Variants in SIN3A observed in about 807,000 individuals in gnomAD.
The protein encoded by SIN3A is paired amphipathic helix protein Sin3a.
Under a neutral mutation model 146.1 loss-of-function variants are expected in SIN3A, and 14 were observed. The observed-to-expected ratio is 0.10, with a 90% CI of 0.06 to 0.15. SIN3A has a LOEUF of 0.15. Ranked by LOEUF, SIN3A falls within the 10% of genes least tolerant of loss-of-function variation. SIN3A has a pLI of 1.00. For synonymous variants in SIN3A, 572 were observed against 572.0 expected (o/e 1.00, Z 0.00); for missense variants, 1,028 against 1,576.0 (o/e 0.65, Z 5.89).
chr15:75,441,022 G>C (rs2074200335), intron 1 of SIN3A, among the ~76,000 whole-genome samples: 1 of 150,932 alleles, frequency 6.6e-6, no homozygotes, highest in South Asian at 2.1e-4. Context: ...AAAGAAACAG[G>C]GTTGGCCAGG....
intron 1 of SIN3A, among the ~76,000 whole-genome samples, chr15:75,441,266 T>C (rs979566092): frequency 3.3e-5 from 5 of 151,884 alleles, no homozygotes; most frequent in Middle Eastern, 3.2e-3. Context: ...ATCTCGCCAC[T>C]ACACTCCAGC....
chr15:75,420,681 C>T (rs1196219719), intron 3 of SIN3A: 1 of 152,134 alleles, frequency 6.6e-6, no homozygotes, highest in African/African-American at 2.4e-5. Flanking sequence ...GCCACCATGC[C>T]CGGCCTACAT....
At chr15:75,427,997 A>AATG (rs1567397950) in intron 2 of SIN3A, among the ~76,000 whole-genome samples, 3 of 151,606 alleles carry the variant, frequency 2.0e-5, no homozygotes, top group African/African-American at 4.8e-5. Flanking sequence ...ATAAATAAAT[A>AATG]AATGAATAAA....
intron 1 of SIN3A, among the ~76,000 whole-genome samples, chr15:75,435,558 C>T (rs551529588): frequency 2.0e-5 from 3 of 151,974 alleles, no homozygotes; most frequent in Non-Finnish European, 4.4e-5. Flanking sequence ...ATTAGCTGGG[C>T]GTGGTGGCGC....
In SIN3A at chr15:75,400,233, C is replaced by A; in HGVS notation, c.1738-77G>T. 2.5e-6 allele frequency: 2 copies of A among 787,290 alleles called. No individual in the cohort carries two copies. The highest frequency in any genetic ancestry group is 1.6e-5 in the South Asian group (1 of 62,458). The allele number at this position is 787,290 out of a possible 1,614,324, so 48.8% of individuals were successfully genotyped here. On this transcript the variant is annotated intron_variant, in intron 11 of 20. Transcript: ENST00000394947. ...TGATTAAGCATTCTGAATGAAAAGA[C>A]AAAACTCTAGCAGAGAAATAGGCAA...
In SIN3A at chr15:75,443,336, T is replaced by C. The variant is rs76897765; in HGVS notation, c.-34+8087A>G. The stretch of plus-strand genomic sequence containing the variant: ...TTGAAAAATAGTATAAAAATTACCA[T>C]GTACTCCTTCACCTAGATTCTCCAA... On this transcript the variant is annotated intron_variant, in intron 1 of 20. Transcript: ENST00000394947. 8.6e-3 allele frequency among the ~76,000 whole-genome samples: 1,305 copies of C among 152,310 alleles called. 37 individuals are homozygous for C. The East Asian group carries it at 0.11, about 13-fold the overall frequency.
Position 75,410,191 on chromosome 15 carries a change from G to A in SIN3A, c.1104C>T (p.Asn368=). 1 of 1,614,060 alleles carries A rather than the reference G, an allele frequency of 6.2e-7. No individual in the cohort carries two copies. Among genetic ancestry groups the A allele is most frequent in the East Asian group, 2.2e-5 (1 of 44,880 alleles). ...CAAACTCTGACAACAAATCTTCCTG[G>A]TTTTTAAAGAGACGAGCAACCTGGG... The part of the protein sequence containing the change: ...VYAQVARLFK[N]QEDLLSEFGQ... Residue 368 remains asparagine, a synonymous_variant, in exon 7 of 21, where the codon AAC becomes AAT. Coordinates refer to ENST00000394947, the MANE Select transcript of SIN3A (RefSeq NM_001145358.2).
chr15:75,453,076 T>C (rs993061503), upstream of SIN3A: 1 of 152,242 alleles, frequency 6.6e-6, no homozygotes, highest in Non-Finnish European at 1.5e-5. Flanking sequence ...GATTACGTTG[T>C]TACCGCTCTC....
In SIN3A at chr15:75,372,227, A is replaced by C. The variant is rs776771990; in HGVS notation, c.3592-18T>G. ...TCATGGGACTGCAAAACAGAAAAAA[A>C]AAATTTTATTAAATGAAGCAGAACC... On this transcript the variant is annotated intron_variant, in intron 20 of 20. Transcript: ENST00000394947. 2 of 1,521,992 alleles carry C rather than the reference A, an allele frequency of 1.3e-6. No individual in the cohort carries two copies. Among genetic ancestry groups the C allele is most frequent in the Admixed American group, 4.4e-5 (2 of 45,720 alleles). 94.3% of individuals were successfully genotyped at this position (1,521,992 alleles called of 1,614,324 possible). A position where few individuals can be genotyped will look rare whatever the true frequency, so the allele number is the denominator to read the frequency against.
chr15:75,407,279 C>G (rs1279007947), intron 8 of SIN3A, 135 bp from the exon 9 acceptor site: 1 of 600,342 alleles, frequency 1.7e-6, no homozygotes, highest in African/African-American at 1.9e-5. Flanking sequence ...GAACTCTAAC[C>G]AACTCACTCC....
At chr15:75,437,264 C>G (rs555945566) in intron 1 of SIN3A, among the ~76,000 whole-genome samples, 4 of 152,162 alleles carry the variant, frequency 2.6e-5, no homozygotes, top group African/African-American at 9.6e-5. Context: ...CCCCAACCTC[C>G]TGGGCTCAAG....
At chr15:75,449,883 G>A (rs2074371656) in intron 1 of SIN3A, among the ~76,000 whole-genome samples, 1 of 152,146 alleles carries the variant, frequency 6.6e-6, no homozygotes, top group Admixed American at 6.5e-5. Context: ...GGGTTCAAGT[G>A]ATTCTCCTGC....
chr15:75,401,013 AT>A, intron 10 of SIN3A, 73 bp from the exon 11 acceptor site: 1 of 1,059,208 alleles, frequency 9.4e-7, no homozygotes, highest in Non-Finnish European at 1.4e-6. Flanking sequence ...GACTACTACC[AT>A]CTGGTTTTGG....
chr15:75,450,576 G>A (rs934673156), intron 1 of SIN3A, among the ~76,000 whole-genome samples: 1 of 152,226 alleles, frequency 6.6e-6, no homozygotes, highest in Non-Finnish European at 1.5e-5. Context: ...ACAACCAAGA[G>A]GGGAGTGGGG....
intron 20 of SIN3A, 79 bp downstream of exon 20, chr15:75,375,586 C>T (rs530632043): frequency 5.3e-6 from 6 of 1,132,192 alleles, no homozygotes; most frequent in Non-Finnish European, 8.0e-6. Flanking sequence ...CAAAGAAAAA[C>T]AATCAGAAGA....
At position 75,380,644 on chromosome 15, in the gene SIN3A, G is replaced by A. The variant is rs770959285; in HGVS notation, c.3368C>T (p.Pro1123Leu). 5 of 1,613,176 alleles carry A rather than the reference G, an allele frequency of 3.1e-6. No individual in the cohort carries two copies. Among genetic ancestry groups the A allele is most frequent in the Non-Finnish European group, 4.2e-6 (5 of 1,179,210 alleles). Residue 1123 changes from proline (P) to leucine (L), a missense_variant, in exon 19 of 21, where the codon CCA (proline) becomes CTA (leucine). Transcript: ENST00000394947. Reference protein sequence around the residue: ...PELREHLAQKPVFLPRNLRRI... With the variant: ...PELREHLAQKLVFLPRNLRRI... ...GCTCACTCACCTGGGGAGAAATACT[G>A]GTTTCTGTGCTAGATGTTCACGAAG...
chr15:75,400,457 G>A (rs1025120514), intron 11 of SIN3A, among the ~76,000 whole-genome samples: 1 of 152,010 alleles, frequency 6.6e-6, no homozygotes, highest in African/African-American at 2.4e-5. Flanking sequence ...GGGTGTGAAG[G>A]CATGTGTAAG....
chr15:75,445,555 A>T (rs1233467539), intron 1 of SIN3A, among the ~76,000 whole-genome samples: 1 of 151,322 alleles, frequency 6.6e-6, no homozygotes, highest in Non-Finnish European at 1.5e-5. Context: ...TGGGAGACAG[A>T]GCAAAACTCC....
intron 16 of SIN3A, 134 bp downstream of exon 16, chr15:75,389,518 T>TC (rs1403446315): frequency 2.2e-5 from 18 of 805,082 alleles, no homozygotes; most frequent in Non-Finnish European, 3.6e-5. Context: ...CACATTAACC[T>TC]CCCCTCCTCT....
Sources: allele counts gnomAD v4.1 joint callset (sites outside exome capture counted in the v4.1 genomes callset), GRCh38; gene constraint gnomAD v4.1.1; transcripts MANE v1.5; gene names NCBI Gene and HGNC (gene_info 2026-07-23, HGNC 2026-07-21).